GRIK3: variants seen among roughly 807,000 people sequenced by gnomAD.
The protein encoded by GRIK3 is glutamate ionotropic receptor kainate type subunit 3.
GRIK3 carries 29 observed loss-of-function variants against 102.5 expected under a neutral mutation model. The observed-to-expected ratio is 0.28, with a 90% CI of 0.21 to 0.39. The LOEUF is 0.39. Ranked by LOEUF, GRIK3 falls within the 10% of genes least tolerant of loss-of-function variation. GRIK3 has a pLI of 1.00. For synonymous variants in GRIK3, 511 were observed against 504.9 expected, an observed-to-expected ratio of 1.01 and a Z score of -0.16; for missense variants, 908 against 1,252.4, an observed-to-expected ratio of 0.73 and a Z score of 4.15.
chr1:36,802,172 CA>C (rs1197700252), intron 15 of GRIK3, 127 bp from the exon 16 acceptor site: 9 of 621,716 alleles, frequency 1.4e-5, no homozygotes, highest in African/African-American at 3.7e-5. Context: ...CTCACACCTT[CA>C]CCCCACCCAT....
rs754587125 is a variant in GRIK3 at position 37,034,102 on chromosome 1, C to G, written c.7G>C (p.Ala3Pro). 2 of 1,568,464 alleles carry G rather than the reference C, an allele frequency of 1.3e-6. No homozygotes were observed. Among genetic ancestry groups the G allele is most frequent in the South Asian group, 2.3e-5 (2 of 87,464 alleles). Residue 3 changes from alanine (A) to proline (P), a missense_variant, in exon 1 of 16, where the codon GCT (alanine) becomes CCT (proline). Transcript: ENST00000373091. ...AGACTCCGGAGGCGCCGCCAGGGAG[C>G]GGTCATCGTTGGGCGCCGCCGAGCG... is the stretch of plus-strand genomic sequence containing the variant. The part of the protein sequence containing the change: MT[A>P]PWRRLRSLVW...
intron 6 of GRIK3, 86 bp downstream of exon 6, chr1:36,859,758 G>T: frequency 9.2e-7 from 1 of 1,090,532 alleles, no homozygotes; most frequent in Non-Finnish European, 1.4e-6. Flanking sequence ...AGTGGTGGAG[G>T]GAAGAAAGAA....
chr1:36,852,753 T>C (rs1283122352), intron 8 of GRIK3, among the ~76,000 whole-genome samples: 3 of 152,196 alleles, frequency 2.0e-5, no homozygotes, highest in African/African-American at 7.2e-5. Context: ...GCTCACTACA[T>C]TTCATACACA....
chr1:36,936,965 TC>T (rs2124319403), intron 1 of GRIK3, among the ~76,000 whole-genome samples: 1 of 152,210 alleles, frequency 6.6e-6, no homozygotes, highest in South Asian at 2.1e-4. Context: ...GGGGGTAGGA[TC>T]CCCGCCACCC....
At chr1:36,861,299 G>A (rs1640721533) in intron 5 of GRIK3, among the ~76,000 whole-genome samples, 3 of 152,178 alleles carry the variant, frequency 2.0e-5, no homozygotes, top group South Asian at 4.1e-4. Context: ...TATCCCACTA[G>A]TGGGGAAACT....
chr1:37,011,570 C>T (rs982572076), intron 1 of GRIK3, among the ~76,000 whole-genome samples: 16 of 152,170 alleles, frequency 1.1e-4, no homozygotes, highest in African/African-American at 2.7e-4. Flanking sequence ...TGGCTTCATC[C>T]GAAGCAAGTA....
chr1:37,011,643 G>A (rs1642597522), intron 1 of GRIK3, among the ~76,000 whole-genome samples: 1 of 152,202 alleles, frequency 6.6e-6, no homozygotes, highest in Admixed American at 6.5e-5. Flanking sequence ...GTCTAAGGGG[G>A]TAAAAGTTAA....
chr1:37,015,175 T>C (rs1642641161), intron 1 of GRIK3, among the ~76,000 whole-genome samples: 4 of 151,926 alleles, frequency 2.6e-5, no homozygotes, highest in Admixed American at 2.6e-4. Context: ...CCACCTTGGG[T>C]AGGAGAGAAA....
chr1:36,998,013 C>A (rs1467994931), intron 1 of GRIK3, among the ~76,000 whole-genome samples: 2 of 152,148 alleles, frequency 1.3e-5, no homozygotes, highest in African/African-American at 4.8e-5. Flanking sequence ...GACTTCAGAG[C>A]ATAGAACAAT....
At position 36,796,258 on chromosome 1, in the gene GRIK3, G is replaced by C. The variant is rs1228689788; in HGVS notation, c.*5593C>G. On this transcript the variant is annotated 3_prime_UTR_variant, in exon 16 of 16. Transcript: ENST00000373091. ...GACCGATCTGGGTGAGCCAGGGACA[G>C]AGATCTGCAGCCTCCTGGGGAGGGG... 4 of 152,408 alleles carry C rather than the reference G, an allele frequency of 2.6e-5. No individual in the cohort carries two copies. The highest frequency in any genetic ancestry group is 5.9e-5 in the Non-Finnish European group (4 of 68,180). 9.4% of individuals were successfully genotyped at this position (152,408 alleles called of 1,614,324 possible).
intron 1 of GRIK3, among the ~76,000 whole-genome samples, chr1:36,983,787 A>G (rs1374107801): frequency 6.6e-6 from 1 of 152,114 alleles, no homozygotes; most frequent in Non-Finnish European, 1.5e-5. Context: ...TTTGATGTGA[A>G]TTATCACAGT....
intron 1 of GRIK3, among the ~76,000 whole-genome samples, chr1:37,024,719 G>A (rs1269991163): frequency 2.1e-5 from 3 of 140,714 alleles, no homozygotes; most frequent in Non-Finnish European, 3.0e-5. Context: ...CTCCAGCCTG[G>A]GCAACAGAGC....
At chr1:37,017,667 C>G (rs561587147) in intron 1 of GRIK3, among the ~76,000 whole-genome samples, 5 of 152,220 alleles carry the variant, frequency 3.3e-5, no homozygotes, top group South Asian at 2.1e-4. Context: ...GCTTGAGAAG[C>G]CGAGGGCAAA....
intron 1 of GRIK3, among the ~76,000 whole-genome samples, chr1:36,986,480 A>G (rs1369160129): frequency 6.7e-6 from 1 of 149,708 alleles, no homozygotes; most frequent in Admixed American, 6.6e-5. Context: ...CCATCCATCC[A>G]TCCATCCATC....
chr1:36,959,724 G>A (rs1250011908), intron 1 of GRIK3, among the ~76,000 whole-genome samples: 1 of 117,616 alleles, frequency 8.5e-6, no homozygotes, highest in Admixed American at 8.6e-5. Flanking sequence ...TTGTGAGTCG[G>A]TGTGTCCCAT....
At chr1:36,934,733 C>T (rs1003084840) in intron 1 of GRIK3, among the ~76,000 whole-genome samples, 2 of 152,340 alleles carry the variant, frequency 1.3e-5, no homozygotes, top group East Asian at 3.9e-4. Flanking sequence ...AATGGAAACA[C>T]ATTTAATGTG....
chr1:36,804,777 G>A, intron 15 of GRIK3: 1 of 609,606 alleles, frequency 1.6e-6, no homozygotes, highest in Non-Finnish European at 2.8e-6. Context: ...AGGAGGTGAT[G>A]GGGCTTGGCC....
intron 2 of GRIK3, among the ~76,000 whole-genome samples, chr1:36,887,792 TGAGAGA>T (rs1557714604): frequency 6.0e-5 from 2 of 33,058 alleles, no homozygotes; most frequent in Non-Finnish European, 1.2e-4. Context: ...ATATATATAG[TGAGAGA>T]GAGAGAGAGT....
At chr1:36,877,740 TTCCTCTCCTCATTCATCTA>T (rs1640925908) in intron 3 of GRIK3, among the ~76,000 whole-genome samples, 1 of 152,130 alleles carries the variant, frequency 6.6e-6, no homozygotes, top group African/African-American at 2.4e-5. Flanking sequence ...TCCCTCATGA[TTCCTCTCCTCATTCATCTA>T]TCCTCTCCTC....
Sources: allele counts gnomAD v4.1 joint callset (sites outside exome capture counted in the v4.1 genomes callset), GRCh38; gene constraint gnomAD v4.1.1; transcripts MANE v1.5; gene names NCBI Gene and HGNC (gene_info 2026-07-23, HGNC 2026-07-21).